Variants in SGCZ observed in about 807,000 individuals in gnomAD.
SGCZ encodes the protein zeta-sarcoglycan.
A neutral mutation model predicts 41.3 loss-of-function variants in SGCZ; 40 were observed. The observed-to-expected ratio is 0.97, with a 90% CI of 0.75 to 1.26. The LOEUF (loss-of-function observed/expected upper bound fraction) is 1.26, where lower values mean the gene tolerates loss of function less well. Among genes scored for constraint, SGCZ ranks in the 50% most tolerant of loss-of-function variants. The probability of loss-of-function intolerance (pLI) is 0.00; values close to 1 mark genes in which losing one functional copy is unlikely to be tolerated. For synonymous variants in SGCZ, 206 were observed against 137.5 expected (o/e 1.50, Z -3.49); for missense variants, 552 against 369.8 (o/e 1.49, Z -4.04).
chr8:14,670,785 T>C (rs888207471), intron 1 of SGCZ, among the ~76,000 whole-genome samples: 2 of 152,216 alleles, frequency 1.3e-5, no homozygotes, highest in Non-Finnish European at 2.9e-5. Context: ...TTAAAGATGA[T>C]GAAACTGGGA....
intron 4 of SGCZ, among the ~76,000 whole-genome samples, chr8:14,231,231 CAGAGAG>C (rs763690394): frequency 3.7e-5 from 3 of 80,084 alleles, no homozygotes; most frequent in Non-Finnish European, 5.4e-5. Flanking sequence ...GAGAGAGAGA[CAGAGAG>C]AGAGAGAGAG....
chr8:14,245,869 G>A (rs1409277453), intron 3 of SGCZ, among the ~76,000 whole-genome samples: 1 of 152,210 alleles, frequency 6.6e-6, no homozygotes, highest in Non-Finnish European at 1.5e-5. Flanking sequence ...CTGGCCATCA[G>A]AGAAATGCAA....
intron 1 of SGCZ, among the ~76,000 whole-genome samples, chr8:14,901,703 C>A (rs748118170): frequency 6.6e-6 from 1 of 151,884 alleles, no homozygotes; most frequent in Non-Finnish European, 1.5e-5. Flanking sequence ...CATATATTTT[C>A]GGTAAAAATG....
Position 14,981,990 on chromosome 8 carries a change from A to T in SGCZ, c.39+255595T>A, listed in dbSNP as rs1585435003. 2.0e-5 allele frequency among the ~76,000 whole-genome samples: 3 copies of T among 151,858 alleles called. No individual in the cohort carries two copies. In the East Asian group the frequency reaches 5.8e-4, roughly 30 times the overall value. On this transcript the variant is annotated intron_variant, in intron 1 of 7. Coordinates refer to ENST00000382080, the MANE Select transcript of SGCZ (RefSeq NM_139167.4). Reference sequence around the variant, plus strand: ...AATGGTGAAACCCCATCTCTACTAAAAATACAAAAATTAGCCAGGCGTGGT... The same window carrying T: ...AATGGTGAAACCCCATCTCTACTAATAATACAAAAATTAGCCAGGCGTGGT...
chr8:14,737,181 A>T (rs1249286224), intron 1 of SGCZ, among the ~76,000 whole-genome samples: 3 of 145,872 alleles, frequency 2.1e-5, no homozygotes, highest in African/African-American at 7.6e-5. Context: ...TATATCATAC[A>T]TATATATATA....
intron 2 of SGCZ, among the ~76,000 whole-genome samples, chr8:14,492,963 C>A (rs1801883399): frequency 6.6e-6 from 1 of 152,076 alleles, no homozygotes; most frequent in Non-Finnish European, 1.5e-5. Context: ...CTCTTTCTGT[C>A]TTCATTGCTA....
chr8:14,867,487 A>T (rs189126770), intron 1 of SGCZ, among the ~76,000 whole-genome samples: 110 of 152,240 alleles, frequency 7.2e-4, no homozygotes, highest in South Asian at 1.4e-3. Context: ...ATTGCTGGGT[A>T]GAATAGTATT....
At chr8:14,484,086 AG>A (rs1320439718) in intron 2 of SGCZ, among the ~76,000 whole-genome samples, 1 of 152,220 alleles carries the variant, frequency 6.6e-6, no homozygotes, top group Non-Finnish European at 1.5e-5. Flanking sequence ...TTATACCTGA[AG>A]TTTCTCTAAA....
intron 2 of SGCZ, among the ~76,000 whole-genome samples, chr8:14,514,786 TG>T (rs1802567261): frequency 5.0e-4 from 1 of 1,996 alleles, no homozygotes; most frequent in Non-Finnish European, 1.1e-3. Flanking sequence ...TATGTAAATG[TG>T]TGTGTGTGTG....
intron 1 of SGCZ, among the ~76,000 whole-genome samples, chr8:14,641,646 A>G (rs1029464923): frequency 2.0e-5 from 3 of 151,678 alleles, no homozygotes; most frequent in African/African-American, 7.3e-5. Flanking sequence ...CCAAAACACA[A>G]TCTTTCTCAT....
chr8:14,565,722 A>G (rs1239852283), intron 1 of SGCZ, among the ~76,000 whole-genome samples: 1 of 152,082 alleles, frequency 6.6e-6, no homozygotes, highest in Non-Finnish European at 1.5e-5. Context: ...TGGTAAGAAA[A>G]CATATCCAGA....
chr8:15,097,857 C>CGT (rs774918023), intron 1 of SGCZ, among the ~76,000 whole-genome samples: 17 of 39,438 alleles, frequency 4.3e-4, no homozygotes, highest in African/African-American at 1.6e-3. Flanking sequence ...TATATATATA[C>CGT]GTGTGTGTGT....
At chr8:15,199,564 T>C (rs1027957711) in intron 1 of SGCZ, among the ~76,000 whole-genome samples, 3 of 152,158 alleles carry the variant, frequency 2.0e-5, no homozygotes, top group Non-Finnish European at 2.9e-5. Flanking sequence ...TGAAGGAAAT[T>C]ATGGCGTCCA....
chr8:14,526,083 CTT>C (rs1802939078), intron 2 of SGCZ, among the ~76,000 whole-genome samples: 1 of 151,956 alleles, frequency 6.6e-6, no homozygotes. Flanking sequence ...CTTACAGAAA[CTT>C]TGCTGAAAGT....
At chr8:14,587,333 G>A (rs950057901) in intron 1 of SGCZ, among the ~76,000 whole-genome samples, 1 of 150,230 alleles carries the variant, frequency 6.7e-6, no homozygotes, top group African/African-American at 2.5e-5. Flanking sequence ...TGCGTTCCAC[G>A]AATGTGTTAA....
At chr8:14,258,198 A>G (rs1229500004) in intron 3 of SGCZ, among the ~76,000 whole-genome samples, 2 of 152,036 alleles carry the variant, frequency 1.3e-5, no homozygotes. Flanking sequence ...ATCTAAATAT[A>G]AACAAAATTC....
chr8:14,613,825 C>A (rs1358650666), intron 1 of SGCZ, among the ~76,000 whole-genome samples: 1 of 152,040 alleles, frequency 6.6e-6, no homozygotes, highest in Admixed American at 6.5e-5. Flanking sequence ...GAAATTGAGA[C>A]TGAAATGGCA....
chr8:14,880,792 G>A (rs781108996), intron 1 of SGCZ, among the ~76,000 whole-genome samples: 28 of 152,038 alleles, frequency 1.8e-4, no homozygotes, highest in African/African-American at 3.6e-4. Flanking sequence ...ACCAGACACC[G>A]GGACCTGTTG....
At chr8:14,594,124 G>A (rs369875112) in intron 1 of SGCZ, among the ~76,000 whole-genome samples, 3 of 151,386 alleles carry the variant, frequency 2.0e-5, no homozygotes, top group African/African-American at 4.9e-5. Context: ...ACAGTGAGTC[G>A]AGATTAGGCT....
Sources: allele counts gnomAD v4.1 joint callset (sites outside exome capture counted in the v4.1 genomes callset), GRCh38; gene constraint gnomAD v4.1.1; transcripts MANE v1.5; gene names NCBI Gene and HGNC (gene_info 2026-07-23, HGNC 2026-07-21).